FNBP1: variants seen among roughly 807,000 people sequenced by gnomAD.
The protein encoded by FNBP1 is formin binding protein 1.
A neutral mutation model predicts 90.6 loss-of-function variants in FNBP1; 26 were observed. That is an observed-to-expected ratio of 0.29 (90% confidence interval 0.21 to 0.40). FNBP1 has a LOEUF of 0.40. Among genes scored for constraint, FNBP1 ranks in the 10% least tolerant of loss-of-function variants. The pLI, the probability that FNBP1 is intolerant of heterozygous loss-of-function variation, is 1.00. For missense variants in FNBP1, 635 were observed against 768.0 expected (o/e 0.83, Z 2.05); for synonymous variants, 260 against 265.2 (o/e 0.98, Z 0.19).
intron 15 of FNBP1, among the ~76,000 whole-genome samples, chr9:129,899,635 T>C (rs1023467025): frequency 1.3e-5 from 2 of 151,786 alleles, no homozygotes; most frequent in Non-Finnish European, 2.9e-5. Context: ...AGGCTGAGGT[T>C]GGAGGATCAC....
intron 9 of FNBP1, among the ~76,000 whole-genome samples, chr9:129,924,339 A>T (rs913844059): frequency 3.9e-5 from 6 of 152,206 alleles, no homozygotes; most frequent in African/African-American, 1.4e-4. Flanking sequence ...AAATATTTCT[A>T]CATTACCTAA....
At chr9:130,051,330 C>G in the FNBP1 span, among the ~76,000 whole-genome samples, 5 of 152,190 alleles carry the variant, frequency 3.3e-5, no homozygotes, top group African/African-American at 1.2e-4. Context: ...AGACACCAGC[C>G]AGGCCTATCA....
chr9:129,895,446 A>G, intron 16 of FNBP1: 5 of 1,119,368 alleles, frequency 4.5e-6, no homozygotes, highest in Non-Finnish European at 5.4e-6. Context: ...TATAAACAAG[A>G]GTAGGGAAGT....
chr9:130,009,954 G>A (rs1248793614), intron 1 of FNBP1, among the ~76,000 whole-genome samples: 1 of 149,988 alleles, frequency 6.7e-6, no homozygotes, highest in East Asian at 1.9e-4. Context: ...ACTCCAGCCT[G>A]GGTGACAGAG....
chr9:130,043,376 G>T (rs1035028872), upstream of FNBP1, among the ~76,000 whole-genome samples: 1 of 152,138 alleles, frequency 6.6e-6, no homozygotes, highest in Admixed American at 6.5e-5. Context: ...GAGGTGTGAG[G>T]GACGGCGGGA....
At chr9:129,978,060 G>A (rs2050624317) in intron 4 of FNBP1, among the ~76,000 whole-genome samples, 1 of 149,732 alleles carries the variant, frequency 6.7e-6, no homozygotes. Flanking sequence ...TTGCTCTGTC[G>A]CCCAGGTTGG....
chr9:129,996,255 C>T (rs1362837763), intron 1 of FNBP1, among the ~76,000 whole-genome samples: 2 of 152,124 alleles, frequency 1.3e-5, no homozygotes, highest in Non-Finnish European at 2.9e-5. Flanking sequence ...TCTCAAGCAA[C>T]AGCCGAGGAT....
intron 13 of FNBP1, among the ~76,000 whole-genome samples, chr9:129,902,026 G>T (rs2037050632): frequency 6.6e-6 from 1 of 152,160 alleles, no homozygotes; most frequent in Admixed American, 6.5e-5. Context: ...TTTAAACGTG[G>T]TAGGGAGAGT....
chr9:129,966,555 G>T lies in FNBP1; in HGVS notation c.346-8002C>A, dbSNP rs922207613. Among the ~76,000 whole-genome samples, 5 of 151,912 alleles carry T rather than the reference G, an allele frequency of 3.3e-5. No homozygotes were observed. The highest frequency in any genetic ancestry group is 1.2e-4 in the African/African-American group (5 of 41,338). On this transcript the variant is annotated intron_variant, in intron 4 of 16. Coordinates refer to ENST00000446176, the MANE Select transcript of FNBP1 (RefSeq NM_015033.3). This position sits in a 1 kb window ranked among gnomAD's most constrained non-coding sequence, Gnocchi z 4.3. ...ACCAGCCTGGCCAACATGATGAAAT[G>T]CCGTCTCTACTAAAAATACAAAAAA... is the stretch of plus-strand genomic sequence containing the variant.
intron 10 of FNBP1, chr9:129,919,231 G>C (rs1564327697): frequency 7.7e-7 from 1 of 1,298,326 alleles, no homozygotes; most frequent in Admixed American, 2.3e-5. Flanking sequence ...TGTGAAAACA[G>C]AAAGACTGAG....
intron 11 of FNBP1, among the ~76,000 whole-genome samples, chr9:129,915,524 C>T (rs772604631): frequency 1.3e-5 from 2 of 152,054 alleles, no homozygotes; most frequent in Non-Finnish European, 2.9e-5. Context: ...CTGCCACGCC[C>T]GGCTAATTTT....
intron 2 of FNBP1, among the ~76,000 whole-genome samples, chr9:129,980,868 GGT>G (rs368153994): frequency 6.6e-5 from 10 of 151,546 alleles, no homozygotes; most frequent in African/African-American, 2.4e-4. Flanking sequence ...TGGCTAACAT[GGT>G]GAAACCCCGT....
In FNBP1 at chr9:129,900,671, G is replaced by T. The variant is rs1205991177; in HGVS notation, c.1429-124C>A. The stretch of plus-strand genomic sequence containing the variant: ...GCATCCTAAGGTCCCAAACTCAGGG[G>T]CTACTCTTGGCCATTTAACCCAATG... On this transcript the variant is annotated intron_variant, in intron 13 of 16. Coordinates refer to ENST00000446176, the MANE Select transcript of FNBP1 (RefSeq NM_015033.3). This position sits in a 1 kb window ranked among gnomAD's most constrained non-coding sequence, Gnocchi z 4.1. The T allele has an allele frequency of 3.9e-6, 4 of 1,014,214 alleles. No homozygotes were observed. The highest frequency in any genetic ancestry group is 3.5e-4 in the Middle Eastern group (1 of 2,818). 62.8% of individuals were successfully genotyped at this position (1,014,214 alleles called of 1,614,324 possible).
Position 129,888,027 on chromosome 9 carries a change from C to G in FNBP1, c.*2512G>C. 8.6e-6 allele frequency: 2 copies of G among 232,710 alleles called. No individual in the cohort carries two copies. The highest frequency in any genetic ancestry group is 1.7e-5 in the Non-Finnish European group (2 of 117,710). 14.4% of individuals were successfully genotyped at this position (232,710 alleles called of 1,614,324 possible). A position where few individuals can be genotyped will look rare whatever the true frequency, so the allele number is the denominator to read the frequency against. On this transcript the variant is annotated 3_prime_UTR_variant, in exon 17 of 17. Coordinates refer to ENST00000446176, the MANE Select transcript of FNBP1 (RefSeq NM_015033.3). ...TTTCATGGAGCCACGCAGACTGGCC[C>G]GGAAGCAACACCCAGGTTCAACATT... is the stretch of plus-strand genomic sequence containing the variant.
intron 9 of FNBP1, 140 bp from the exon 10 acceptor site, chr9:129,924,166 A>G (rs2041533030): frequency 1.2e-6 from 1 of 826,996 alleles, no homozygotes; most frequent in African/African-American, 1.8e-5. Flanking sequence ...GTCCAAAAGA[A>G]AACATGTAGG....
Position 129,895,822 on chromosome 9 carries a change from A to T in FNBP1, c.1846+16T>A, listed in dbSNP as rs1588339136. The T allele has an allele frequency of 3.2e-6, 5 of 1,564,920 alleles. No individual in the cohort carries two copies. The highest frequency in any genetic ancestry group is 2.6e-6 in the Non-Finnish European group (3 of 1,159,530). ...AAGTTTTTTTTTTTTATGGTATTAA[A>T]TATAAGTCTTAGCACCTTTGGCATT... On this transcript the variant is annotated intron_variant, in intron 16 of 16. Transcript: ENST00000446176.
At chr9:129,939,873 G>A (rs2044073050) in intron 6 of FNBP1, among the ~76,000 whole-genome samples, 1 of 152,040 alleles carries the variant, frequency 6.6e-6, no homozygotes. Flanking sequence ...AGAAAAATGA[G>A]AACCTGAGCT....
In FNBP1 at chr9:129,927,296, A is replaced by ACTCTC; in HGVS notation, c.683_687dup (p.Ser230GlufsTer4). ...TCAACCTCTGCATATGTCTTCATGGACTCTCCCATTCTCACAATCCTCCTT... is the reference window on the plus strand; with the variant it reads ...TCAACCTCTGCATATGTCTTCATGGACTCTCCTCTCCCATTCTCACAATCCTCCTT... On this transcript the variant is annotated frameshift_variant, in exon 8 of 17. Coordinates refer to ENST00000446176, the MANE Select transcript of FNBP1 (RefSeq NM_015033.3). LOFTEE classifies it high-confidence loss of function. 1 of 1,612,948 alleles carries ACTCTC rather than the reference A, an allele frequency of 6.2e-7. No individual in the cohort carries two copies. Among genetic ancestry groups the ACTCTC allele is most frequent in the Non-Finnish European group, 8.5e-7 (1 of 1,179,344 alleles).
chr9:129,999,224 G>A (rs2054471329), intron 1 of FNBP1, among the ~76,000 whole-genome samples: 1 of 152,008 alleles, frequency 6.6e-6, no homozygotes, highest in Admixed American at 6.6e-5. Context: ...CTTTGGGGAT[G>A]GTGTCATCAA....
Sources: allele counts gnomAD v4.1 joint callset (sites outside exome capture counted in the v4.1 genomes callset), GRCh38; gene constraint gnomAD v4.1.1; non-coding constraint Gnocchi (gnomAD v3.1); transcripts MANE v1.5; gene names NCBI Gene and HGNC (gene_info 2026-07-23, HGNC 2026-07-21).